The following KIF6 variants were observed in gnomAD, a reference collection of about 807,000 sequenced individuals.
The protein encoded by KIF6 is kinesin family member 6.
In KIF6, 106 loss-of-function variants were observed where a neutral mutation model predicts 112.7. The observed-to-expected ratio is 0.94, with a 90% CI of 0.80 to 1.11. KIF6 has a LOEUF of 1.11. Ranked by LOEUF, KIF6 falls within the 50% of genes least tolerant of loss-of-function variation. The pLI, the probability that KIF6 is intolerant of heterozygous loss-of-function variation, is 0.00. For missense variants in KIF6, 929 were observed against 964.0 expected (o/e 0.96, Z 0.48); for synonymous variants, 339 against 339.9 (o/e 1.00, Z 0.03).
intron 7 of KIF6, among the ~76,000 whole-genome samples, chr6:39,590,451 A>ATATAT (rs1338373703): frequency 3.3e-4 from 28 of 84,746 alleles, no homozygotes; most frequent in Non-Finnish European, 5.4e-4. Context: ...ATATATATAT[A>ATATAT]TTTTTTTTTT....
At chr6:39,356,488 C>T (rs932311014) in intron 19 of KIF6, among the ~76,000 whole-genome samples, 4 of 152,198 alleles carry the variant, frequency 2.6e-5, no homozygotes, top group African/African-American at 9.7e-5. Context: ...TAGTCTTGAA[C>T]TCCTGACCTC....
intron 5 of KIF6, among the ~76,000 whole-genome samples, chr6:39,614,080 T>C (rs545785876): frequency 6.6e-6 from 1 of 152,294 alleles, no homozygotes; most frequent in South Asian, 2.1e-4. Flanking sequence ...GTTTCCAGAG[T>C]TGGCTTGTCA....
intron 13 of KIF6, among the ~76,000 whole-genome samples, chr6:39,509,712 C>G (rs1776650622): frequency 6.6e-6 from 1 of 152,034 alleles, no homozygotes; most frequent in Admixed American, 6.5e-5. Context: ...ATGAAGCCTC[C>G]AAGAAATATG....
chr6:39,486,278 A>G (rs1775108928), intron 13 of KIF6, among the ~76,000 whole-genome samples: 1 of 152,102 alleles, frequency 6.6e-6, no homozygotes, highest in Non-Finnish European at 1.5e-5. Flanking sequence ...TGGTCTGACT[A>G]CCCTGCTGGA....
chr6:39,421,869 A>G (rs1022067255), intron 14 of KIF6, among the ~76,000 whole-genome samples: 1 of 152,130 alleles, frequency 6.6e-6, no homozygotes, highest in African/African-American at 2.4e-5. Flanking sequence ...GTGGGCTCAT[A>G]TGGCCTCTGC....
intron 13 of KIF6, among the ~76,000 whole-genome samples, chr6:39,537,881 G>T (rs1438093283): frequency 6.6e-6 from 1 of 152,116 alleles, no homozygotes; most frequent in African/African-American, 2.4e-5. Context: ...ATAGACCAAT[G>T]GAACAGAACA....
At position 39,331,883 on chromosome 6, in the gene KIF6, A is replaced by T. The variant is rs927156445; in HGVS notation, c.*4649T>A. ...TTGAAACACACACCCATTGCATTTTAAAAAATGTTTCTGTCTATTTACTCT... is the reference window on the plus strand; with the variant it reads ...TTGAAACACACACCCATTGCATTTTTAAAAATGTTTCTGTCTATTTACTCT... On this transcript the variant is annotated 3_prime_UTR_variant, in exon 23 of 23. Coordinates refer to ENST00000287152, the MANE Select transcript of KIF6 (RefSeq NM_145027.6). The T allele has an allele frequency of 1.3e-5, 2 of 152,136 alleles. No individual in the cohort carries two copies. The highest frequency in any genetic ancestry group is 1.3e-4 in the Admixed American group (2 of 15,266). The allele number at this position is 152,136 out of a possible 1,614,324, so 9.4% of individuals were successfully genotyped here.
chr6:39,680,484 C>T (rs1787449854), intron 3 of KIF6, among the ~76,000 whole-genome samples: 1 of 152,124 alleles, frequency 6.6e-6, no homozygotes, highest in Non-Finnish European at 1.5e-5. Flanking sequence ...AACAGGAGAA[C>T]ACCAACAGAA....
At chr6:39,451,946 C>T (rs1036113280) in intron 13 of KIF6, among the ~76,000 whole-genome samples, 2 of 152,170 alleles carry the variant, frequency 1.3e-5, no homozygotes, top group African/African-American at 2.4e-5. Context: ...CACACAGAGG[C>T]TCAGTGTGGC....
At chr6:39,577,106 A>G (rs1197062899) in intron 10 of KIF6, among the ~76,000 whole-genome samples, 1 of 152,214 alleles carries the variant, frequency 6.6e-6, no homozygotes, top group African/African-American at 2.4e-5. Context: ...GCCACAAAGC[A>G]GTCTTGCAAG....
chr6:39,636,835 C>A (rs1165175220), intron 4 of KIF6, among the ~76,000 whole-genome samples: 1 of 152,028 alleles, frequency 6.6e-6, no homozygotes, highest in African/African-American at 2.4e-5. Flanking sequence ...CATCAGATAA[C>A]AACTGAGTTT....
At chr6:39,705,350 G>A (rs115764847) in intron 3 of KIF6, among the ~76,000 whole-genome samples, 2,660 of 152,268 alleles carry the variant, frequency 0.017, 70 homozygotes, top group African/African-American at 0.06. Context: ...AAGAGCAGGT[G>A]TCTATATAGC....
At chr6:39,636,800 G>A (rs1008083665) in intron 4 of KIF6, among the ~76,000 whole-genome samples, 7 of 151,984 alleles carry the variant, frequency 4.6e-5, no homozygotes, top group Non-Finnish European at 8.8e-5. Flanking sequence ...TGAGAGTTTA[G>A]TATACATTTC....
At chr6:39,593,349 C>A (rs1036758244) in intron 7 of KIF6, among the ~76,000 whole-genome samples, 2 of 152,114 alleles carry the variant, frequency 1.3e-5, no homozygotes, top group Admixed American at 6.5e-5. Flanking sequence ...CTTTATTATT[C>A]TTATTCCTAT....
intron 6 of KIF6, among the ~76,000 whole-genome samples, chr6:39,612,336 G>A (rs961662617): frequency 1.3e-5 from 2 of 152,088 alleles, no homozygotes; most frequent in Middle Eastern, 3.2e-3. Flanking sequence ...AAAAGAAAAT[G>A]CCAGTGAAAA....
At chr6:39,560,114 G>A (rs1364646803) in intron 10 of KIF6, among the ~76,000 whole-genome samples, 1 of 152,184 alleles carries the variant, frequency 6.6e-6, no homozygotes, top group Non-Finnish European at 1.5e-5. Flanking sequence ...TGACCGGTGG[G>A]TGCTCACTGC....
intron 3 of KIF6, among the ~76,000 whole-genome samples, chr6:39,708,363 TA>T (rs1241081030): frequency 1.3e-5 from 2 of 152,190 alleles, no homozygotes; most frequent in Non-Finnish European, 2.9e-5. Flanking sequence ...CTTCTTACTA[TA>T]AATTGAAAGG....
chr6:39,439,996 G>A (rs1771814592), intron 13 of KIF6, among the ~76,000 whole-genome samples: 1 of 152,194 alleles, frequency 6.6e-6, no homozygotes, highest in Admixed American at 6.5e-5. Context: ...TGTTATTCAT[G>A]CTGAAAAATG....
rs141538888 is a variant in KIF6 at position 39,696,025 on chromosome 6, A to C, written c.251+18667T>G. Among the ~76,000 whole-genome samples, 706 of 152,328 alleles carry C rather than the reference A, an allele frequency of 4.6e-3. 6 individuals are homozygous for C. Among genetic ancestry groups the C allele is most frequent in the African/African-American group, 0.016 (664 of 41,564 alleles). ...CATTATCCTAAGTGAGTTAACACAG[A>C]AACAGAAAATCAAATGCCACATGTT... On this transcript the variant is annotated intron_variant, in intron 3 of 22. Coordinates refer to ENST00000287152, the MANE Select transcript of KIF6 (RefSeq NM_145027.6).
Sources: allele counts gnomAD v4.1 joint callset (sites outside exome capture counted in the v4.1 genomes callset), GRCh38; gene constraint gnomAD v4.1.1; transcripts MANE v1.5; gene names NCBI Gene and HGNC (gene_info 2026-07-23, HGNC 2026-07-21).